The following COL12A1 variants were observed in gnomAD, a reference collection of about 807,000 sequenced individuals.
The protein encoded by COL12A1 is collagen alpha-1(XII) chain.
Under a neutral mutation model 349.7 loss-of-function variants are expected in COL12A1, and 114 were observed. That is an observed-to-expected ratio of 0.33 (90% CI 0.28 to 0.38). The LOEUF is 0.38. Among genes scored for constraint, COL12A1 ranks in the 10% least tolerant of loss-of-function variants. The pLI, the probability that COL12A1 is intolerant of heterozygous loss-of-function variation, is 1.00. For synonymous variants in COL12A1, 1,369 were observed against 1,329.0 expected, an observed-to-expected ratio of 1.03 and a Z score of -0.66; for missense variants, 3,284 against 3,756.9, an observed-to-expected ratio of 0.87 and a Z score of 3.29.
In COL12A1 at chr6:75,119,090, C is replaced by T. The variant is rs1315131480; in HGVS notation, c.7307G>A (p.Arg2436Gln). 11 of 1,613,776 alleles carry T rather than the reference C, an allele frequency of 6.8e-6. No individual in the cohort carries two copies. The highest frequency in any genetic ancestry group is 1.6e-4 in the Middle Eastern group (1 of 6,084). Reference protein sequence around the residue: ...PKVLVVVTDGRSQDEVKKAAL... With the variant: ...PKVLVVVTDGQSQDEVKKAAL... Reference sequence around the variant, plus strand: ...CGCCTTCTTGACCTCATCCTGGGACCGACCGTCCGTGACCACAACCAACAC... The same window carrying T: ...CGCCTTCTTGACCTCATCCTGGGACTGACCGTCCGTGACCACAACCAACAC... Residue 2436 changes from arginine (R) to glutamine (Q), a missense_variant, in exon 46 of 66, where the codon CGG becomes CAG. Around this residue, in one of 2 missense-constraint regions of COL12A1, gnomAD observed 683 missense variants for 932.1 expected, o/e 0.73. Coordinates refer to ENST00000322507, the MANE Select transcript of COL12A1 (RefSeq NM_004370.6).
chr6:75,169,144 T>G (rs986896462), intron 13 of COL12A1, among the ~76,000 whole-genome samples: 2 of 152,218 alleles, frequency 1.3e-5, no homozygotes, highest in Non-Finnish European at 2.9e-5. Context: ...TTCACATTAA[T>G]GAAGTTCTAA....
At chr6:75,106,669 G>C (rs184612626) in intron 52 of COL12A1, among the ~76,000 whole-genome samples, 173 bp from the exon 53 acceptor site, 138 of 152,176 alleles carry the variant, frequency 9.1e-4, no homozygotes, top group Non-Finnish European at 1.5e-3. Context: ...ATATGCCTAC[G>C]AGAAAGAGAT....
At chr6:75,153,863 C>T (rs1211320575) in intron 17 of COL12A1, among the ~76,000 whole-genome samples, 2 of 151,980 alleles carry the variant, frequency 1.3e-5, no homozygotes, top group African/African-American at 4.8e-5. Context: ...AGTTGCCCAC[C>T]CATTTATGTA....
chr6:75,143,724 T>C (rs778099735), intron 25 of COL12A1, among the ~76,000 whole-genome samples: 1 of 152,238 alleles, frequency 6.6e-6, no homozygotes, highest in Non-Finnish European at 1.5e-5. Context: ...CAGCTCATGT[T>C]TCTTTATCAG....
At position 75,090,590 on chromosome 6, in the gene COL12A1, T is replaced by A. The variant is rs1460799881; in HGVS notation, c.8753-292A>T. Among the ~76,000 whole-genome samples, 1 of 152,238 alleles carries A rather than the reference T, an allele frequency of 6.6e-6. No individual in the cohort carries two copies. Among genetic ancestry groups the A allele is most frequent in the Admixed American group, 6.5e-5 (1 of 15,288 alleles). ...ATGGCTCTGAAATAAAGTCTTGAGATTTACCAGGTGACATCACTCAAAAGA... is the reference window on the plus strand; with the variant it reads ...ATGGCTCTGAAATAAAGTCTTGAGAATTACCAGGTGACATCACTCAAAAGA... On this transcript the variant is annotated intron_variant, in intron 62 of 65. Coordinates refer to ENST00000322507, the MANE Select transcript of COL12A1 (RefSeq NM_004370.6). The surrounding 1 kb of genome is among the most constrained non-coding windows in gnomAD (Gnocchi z 4.1).
At chr6:75,165,310 G>A (rs796692232) in intron 14 of COL12A1, among the ~76,000 whole-genome samples, 197 bp downstream of exon 14, 4 of 151,194 alleles carry the variant, frequency 2.6e-5, no homozygotes, top group Non-Finnish European at 4.4e-5. Context: ...AAAGAGATTC[G>A]ATATTTCAAA....
chr6:75,107,304 A>G (rs115457890), intron 52 of COL12A1, among the ~76,000 whole-genome samples: 1,967 of 147,274 alleles, frequency 0.013, 42 homozygotes, highest in African/African-American at 0.044. Flanking sequence ...ATGGAGTCTC[A>G]CTGTTGCCCA....
intron 2 of COL12A1, among the ~76,000 whole-genome samples, chr6:75,198,668 G>A (rs754196579): frequency 1.3e-5 from 2 of 152,088 alleles, no homozygotes; most frequent in Admixed American, 6.5e-5. Context: ...CCAAAAAGGG[G>A]CTATGTCCAA....
chr6:75,155,736 A>G lies in COL12A1; in HGVS notation c.3369T>C (p.Pro1123=), dbSNP rs1407626332. The G allele has an allele frequency of 6.2e-7, 1 of 1,613,402 alleles. No individual in the cohort carries two copies. Among genetic ancestry groups the G allele is most frequent in the Non-Finnish European group, 8.5e-7 (1 of 1,179,678 alleles). Residue 1123 remains proline (P), a synonymous_variant, in exon 16 of 66, where the codon CCT becomes CCC. Coordinates refer to ENST00000322507, the MANE Select transcript of COL12A1 (RefSeq NM_004370.6). ...CCCCCAGTCTTCTGTCATCCCCCGT[A>G]GGGTGGAATGTGACTTTATAACCCT... ...EVKGYKVTFH[P]TGDDRRLGEL...
chr6:75,142,899 T>G (rs1438886668), intron 26 of COL12A1, among the ~76,000 whole-genome samples: 2 of 152,220 alleles, frequency 1.3e-5, no homozygotes, highest in African/African-American at 4.8e-5. Flanking sequence ...CTGCAACCTC[T>G]TGCTACCTTT....
At chr6:75,123,503 C>CA in intron 42 of COL12A1, 99 bp from the exon 43 acceptor site, 2 of 960,610 alleles carry the variant, frequency 2.1e-6, no homozygotes, top group South Asian at 3.0e-5. Context: ...GATACCAAAT[C>CA]AAGTCGTACA....
At chr6:75,097,166 G>C in intron 59 of COL12A1, 87 bp downstream of exon 59, 1 of 1,048,980 alleles carries the variant, frequency 9.5e-7, no homozygotes, top group Non-Finnish European at 1.5e-6. Flanking sequence ...AGCACAGATG[G>C]AATGTGCTTC....
In COL12A1 at chr6:75,142,138, G is replaced by T; in HGVS notation, c.4851C>A (p.Thr1617=). The T allele has an allele frequency of 6.2e-7, 1 of 1,614,076 alleles. No individual in the cohort carries two copies. Among genetic ancestry groups the T allele is most frequent in the East Asian group, 2.2e-5 (1 of 44,874 alleles). The part of the protein sequence containing the change: ...VKEVEVDRSE[T]STSLKDLFSQ... ...AGAAGAGGTCTTTGAGGGAAGTGCT[G>T]GTCTCTGATCTGTCCACCTCTACCT... is the stretch of plus-strand genomic sequence containing the variant. Residue 1617 remains threonine (T), a synonymous_variant, in exon 27 of 66, where the codon ACC becomes ACA. Transcript: ENST00000322507.
chr6:75,100,229 A>G (rs1768245107), intron 58 of COL12A1, among the ~76,000 whole-genome samples: 1 of 152,168 alleles, frequency 6.6e-6, no homozygotes, highest in Admixed American at 6.5e-5. Context: ...ATGCTGCCTG[A>G]TGGTGATGGC....
At chr6:75,101,269 T>C (rs1562113148) in intron 58 of COL12A1, among the ~76,000 whole-genome samples, 1 of 152,238 alleles carries the variant, frequency 6.6e-6, no homozygotes, top group Non-Finnish European at 1.5e-5. Context: ...AGATTTTAAT[T>C]TTAAGATTTA....
rs530310744 is a variant in COL12A1 at position 75,102,336 on chromosome 6, C to A, written c.8415+261G>T. Among the ~76,000 whole-genome samples the A allele has an allele frequency of 8.5e-5, 13 of 152,266 alleles. No individual in the cohort carries two copies. In the East Asian group the frequency reaches 2.5e-3, roughly 29 times the overall value. On this transcript the variant is annotated intron_variant, in intron 56 of 65. Transcript: ENST00000322507. ...CCTACCTTAAAAGAATATAGTTTAA[C>A]ATAGGGGATATCTACTTTACTTATA...
Position 75,130,133 on chromosome 6 carries a change from C to T in COL12A1, c.6168G>A (p.Arg2056=). 6.2e-7 allele frequency: 1 copy of T among 1,614,108 alleles called. No individual in the cohort carries two copies. Among genetic ancestry groups the T allele is most frequent in the Non-Finnish European group, 8.5e-7 (1 of 1,179,992 alleles). ...DHADGPVQQY[R]IIYSPTVGDP... is the part of the protein sequence containing the mutation. ...CACCAACAGTGGGAGAATAGATGATCCTGTACTGCTGAACTGGCCCATCAG... is the reference window on the plus strand; with the variant it reads ...CACCAACAGTGGGAGAATAGATGATTCTGTACTGCTGAACTGGCCCATCAG... The change falls in exon 37 of 66, where the codon AGG becomes AGA. Residue 2056 remains arginine, a synonymous_variant. Transcript: ENST00000322507.
rs759065663 is a variant in COL12A1 at position 75,091,361 on chromosome 6, C to T, written c.8714G>A (p.Arg2905Gln). The stretch of plus-strand genomic sequence containing the variant: ...TTCACAGACTTGTCTTGCAACTGCT[C>T]GCATCATGTTCTGGGAAGCAATGTC... ...RGDIASQNMMRAVARQVCEQL... is the reference protein window; with the variant it reads ...RGDIASQNMMQAVARQVCEQL... The change falls in exon 62 of 66, where the codon CGA becomes CAA. Residue 2905 changes from arginine (R) to glutamine (Q), a missense_variant. Around this residue, in one of 2 missense-constraint regions of COL12A1, gnomAD observed 683 missense variants for 932.1 expected, o/e 0.73. Transcript: ENST00000322507. The T allele has an allele frequency of 1.2e-5, 20 of 1,613,584 alleles. No individual in the cohort carries two copies. The highest frequency in any genetic ancestry group is 3.3e-5 in the Admixed American group (2 of 60,002).
intron 12 of COL12A1, among the ~76,000 whole-genome samples, chr6:75,176,727 C>A (rs1052429277): frequency 2.0e-5 from 3 of 152,138 alleles, no homozygotes; most frequent in African/African-American, 7.2e-5. Context: ...AAAGTCTATG[C>A]AGAGATTAAA....
Sources: allele counts gnomAD v4.1 joint callset (sites outside exome capture counted in the v4.1 genomes callset), GRCh38; gene constraint gnomAD v4.1.1; regional missense constraint gnomAD v4.1.1; non-coding constraint Gnocchi (gnomAD v3.1); transcripts MANE v1.5; gene names NCBI Gene and HGNC (gene_info 2026-07-23, HGNC 2026-07-21).